RCAN2: variants seen among roughly 807,000 people sequenced by gnomAD.
RCAN2 encodes the protein regulator of calcineurin 2, also known as calcipressin-2.
A neutral mutation model predicts 23.6 loss-of-function variants in RCAN2; 9 were observed. The observed-to-expected ratio is 0.38, with a 90% CI of 0.23 to 0.67. The LOEUF (loss-of-function observed/expected upper bound fraction) is 0.67. RCAN2 is among the 30% of genes least tolerant of loss of function. The pLI is 0.51. For missense variants in RCAN2, 273 were observed against 302.3 expected, an observed-to-expected ratio of 0.90 and a Z score of 0.72; for synonymous variants, 109 against 115.7, an observed-to-expected ratio of 0.94 and a Z score of 0.37.
chr6:46,421,710 G>A (rs1439073415), intron 2 of RCAN2, among the ~76,000 whole-genome samples: 1 of 152,050 alleles, frequency 6.6e-6, no homozygotes, highest in Non-Finnish European at 1.5e-5. Flanking sequence ...ATGTTATATT[G>A]GGTTGGCATT....
At chr6:46,311,902 C>A (rs1036289842) in intron 2 of RCAN2, among the ~76,000 whole-genome samples, 4 of 152,152 alleles carry the variant, frequency 2.6e-5, no homozygotes, top group Admixed American at 2.0e-4. Context: ...TTTAGCTGGG[C>A]ATAGGACCAC....
At chr6:46,255,803 G>C (rs1000868986) in intron 2 of RCAN2, among the ~76,000 whole-genome samples, 5 of 152,136 alleles carry the variant, frequency 3.3e-5, no homozygotes, top group Admixed American at 2.0e-4. Flanking sequence ...TGGAGGGCAG[G>C]GGCTTCACAG....
chr6:46,475,104 G>T (rs1327935846), intron 1 of RCAN2, among the ~76,000 whole-genome samples: 1 of 152,186 alleles, frequency 6.6e-6, no homozygotes, highest in Non-Finnish European at 1.5e-5. Flanking sequence ...GAGGGAAGCT[G>T]ATGACCAGCT....
intron 2 of RCAN2, among the ~76,000 whole-genome samples, chr6:46,453,586 G>T (rs1767940863): frequency 1.3e-5 from 2 of 152,184 alleles, no homozygotes; most frequent in Admixed American, 6.5e-5. Context: ...ATTTTGCACA[G>T]AACAAAGTGA....
chr6:46,251,541 TGCCTGAG>T (rs774263796), intron 2 of RCAN2, among the ~76,000 whole-genome samples: 21 of 152,202 alleles, frequency 1.4e-4, no homozygotes, highest in Non-Finnish European at 2.6e-4. Flanking sequence ...ACCTCTCCAA[TGCCTGAG>T]CTTGGGCCAT....
At chr6:46,468,811 A>G (rs1004022487) in intron 1 of RCAN2, 14 of 985,114 alleles carry the variant, frequency 1.4e-5, no homozygotes, top group Non-Finnish European at 1.7e-5. Context: ...TTTAATCAGC[A>G]CTTTCTCAAC....
At chr6:46,263,788 C>T (rs1194699743) in intron 2 of RCAN2, among the ~76,000 whole-genome samples, 1 of 150,702 alleles carries the variant, frequency 6.6e-6, no homozygotes, top group South Asian at 2.1e-4. Flanking sequence ...TAATAGTTGG[C>T]CCTAAGCCAT....
chr6:46,491,662 C>T (rs185695025), upstream of RCAN2, among the ~76,000 whole-genome samples: 9 of 152,016 alleles, frequency 5.9e-5, no homozygotes, highest in African/African-American at 1.9e-4. Flanking sequence ...CCCCGCACCC[C>T]CTCCTTTCCA....
At chr6:46,380,312 C>G (rs1298826407) in intron 2 of RCAN2, among the ~76,000 whole-genome samples, 1 of 152,204 alleles carries the variant, frequency 6.6e-6, no homozygotes, top group Non-Finnish European at 1.5e-5. Flanking sequence ...CAGTTCAGGT[C>G]AGGCTTTGCT....
intron 2 of RCAN2, among the ~76,000 whole-genome samples, chr6:46,260,728 T>C (rs984949138): frequency 2.0e-5 from 3 of 152,178 alleles, no homozygotes; most frequent in Non-Finnish European, 4.4e-5. Context: ...CATTTGTGGA[T>C]GGCTGCAAGT....
intron 2 of RCAN2, among the ~76,000 whole-genome samples, chr6:46,423,353 T>G (rs1051587164): frequency 6.6e-6 from 1 of 152,116 alleles, no homozygotes; most frequent in Non-Finnish European, 1.5e-5. Context: ...AATCCTATAG[T>G]GTTTGTATTT....
At chr6:46,260,397 C>T (rs1348228088) in intron 2 of RCAN2, among the ~76,000 whole-genome samples, 1 of 152,238 alleles carries the variant, frequency 6.6e-6, no homozygotes, top group African/African-American at 2.4e-5. Context: ...AGTCAACGCA[C>T]CCTATTATAG....
intron 2 of RCAN2, among the ~76,000 whole-genome samples, chr6:46,389,904 C>A (rs952345726): frequency 2.6e-5 from 4 of 151,870 alleles, no homozygotes; most frequent in Non-Finnish European, 4.4e-5. Context: ...TGACAAAATT[C>A]TTCTATTCTG....
At chr6:46,448,449 G>T (rs1414113486) in intron 2 of RCAN2, among the ~76,000 whole-genome samples, 1 of 151,622 alleles carries the variant, frequency 6.6e-6, no homozygotes, top group Non-Finnish European at 1.5e-5. Context: ...CCAAAAAATT[G>T]AAAAAGGAAT....
chr6:46,338,691 C>A (rs1018609982), intron 2 of RCAN2, among the ~76,000 whole-genome samples: 4 of 152,088 alleles, frequency 2.6e-5, no homozygotes, highest in Non-Finnish European at 4.4e-5. Flanking sequence ...TATACCACTC[C>A]CCTGGTTCAA....
intron 2 of RCAN2, among the ~76,000 whole-genome samples, chr6:46,410,452 A>G (rs1009822546): frequency 1.3e-5 from 2 of 152,174 alleles, no homozygotes; most frequent in African/African-American, 4.8e-5. Flanking sequence ...AGGACATGGT[A>G]AAAAAAGGTA....
intron 4 of RCAN2, among the ~76,000 whole-genome samples, chr6:46,231,657 G>C (rs1428177060): frequency 6.6e-6 from 1 of 152,040 alleles, no homozygotes; most frequent in Admixed American, 6.6e-5. Flanking sequence ...TGATCCACCC[G>C]CCTTGGCCTC....
At chr6:46,237,197 G>C (rs2150311770) in intron 4 of RCAN2, among the ~76,000 whole-genome samples, 1 of 152,272 alleles carries the variant, frequency 6.6e-6, no homozygotes, top group East Asian at 1.9e-4. Flanking sequence ...TTGTTCTCTA[G>C]CTAAAGATGG....
intron 2 of RCAN2, among the ~76,000 whole-genome samples, chr6:46,434,796 G>A (rs181124878): frequency 9.6e-4 from 146 of 152,276 alleles, no homozygotes; most frequent in Middle Eastern, 3.4e-3. Context: ...AATGTCTGGG[G>A]CCATTTTGGG....
Sources: allele counts gnomAD v4.1 joint callset (sites outside exome capture counted in the v4.1 genomes callset), GRCh38; gene constraint gnomAD v4.1.1; transcripts MANE v1.5; gene names NCBI Gene and HGNC (gene_info 2026-07-23, HGNC 2026-07-21).